The following COX10 variants were observed in gnomAD, a reference collection of about 807,000 sequenced individuals.
COX10 encodes the protein protoheme IX farnesyltransferase, mitochondrial.
A neutral mutation model predicts 37.3 loss-of-function variants in COX10; 27 were observed. The observed-to-expected ratio is 0.72, with a 90% CI of 0.53 to 1.00. The LOEUF (loss-of-function observed/expected upper bound fraction) is 1.00, where lower values mean the gene tolerates loss of function less well. Ranked by LOEUF, COX10 falls within the 50% of genes least tolerant of loss-of-function variation. The pLI is 0.00. For missense variants in COX10, 475 were observed against 563.2 expected, an observed-to-expected ratio of 0.84 and a Z score of 1.59; for synonymous variants, 222 against 229.1, an observed-to-expected ratio of 0.97 and a Z score of 0.28.
At chr17:14,112,080 AGT>A (rs1280046765) in intron 4 of COX10, among the ~76,000 whole-genome samples, 1 of 152,150 alleles carries the variant, frequency 6.6e-6, no homozygotes, top group African/African-American at 2.4e-5. Flanking sequence ...GCATGCACAA[AGT>A]GTAATGTATT....
chr17:14,205,333 A>G (rs938265594), intron 6 of COX10, among the ~76,000 whole-genome samples: 2 of 151,994 alleles, frequency 1.3e-5, no homozygotes, highest in South Asian at 4.1e-4. Flanking sequence ...CAGCTGAGAC[A>G]TCCCTTCCTC....
intron 6 of COX10, among the ~76,000 whole-genome samples, chr17:14,198,553 T>C (rs1906437315): frequency 6.6e-6 from 1 of 152,208 alleles, no homozygotes; most frequent in African/African-American, 2.4e-5. Context: ...GCATTAATTA[T>C]GTCACCCAAC....
intron 6 of COX10, 73 bp from the exon 7 acceptor site, chr17:14,206,737 G>C (rs1044947364): frequency 6.3e-7 from 1 of 1,592,046 alleles, no homozygotes; most frequent in African/African-American, 1.3e-5. Context: ...TCTCCCAGGA[G>C]AGGAAACCAT....
Position 14,168,687 on chromosome 17 carries a change from G to C in COX10, c.695+8740G>C, listed in dbSNP as rs911357141. On this transcript the variant is annotated intron_variant, in intron 5 of 6. Coordinates refer to ENST00000261643, the MANE Select transcript of COX10 (RefSeq NM_001303.4). ...CTTGCACCTTCTGAAGCCATGGCTT[G>C]AGCTGTACCTTGGCTCTTTTTAGCC... 2.0e-5 allele frequency among the ~76,000 whole-genome samples: 3 copies of C among 152,176 alleles called. No individual in the cohort carries two copies. In the East Asian group the frequency reaches 5.8e-4, roughly 29 times the overall value.
intron 3 of COX10, among the ~76,000 whole-genome samples, chr17:14,094,961 G>A (rs1915611728): frequency 6.6e-6 from 1 of 152,168 alleles, no homozygotes; most frequent in South Asian, 2.1e-4. Context: ...GACAGAAACT[G>A]TAGGAATAGT....
intron 4 of COX10, among the ~76,000 whole-genome samples, chr17:14,127,210 A>G (rs974502799): frequency 2.0e-5 from 3 of 152,166 alleles, no homozygotes; most frequent in Admixed American, 1.3e-4. Context: ...CAACCTTTCT[A>G]CTGTAGATGT....
chr17:14,127,356 T>C (rs535393098), intron 4 of COX10, among the ~76,000 whole-genome samples: 1 of 152,324 alleles, frequency 6.6e-6, no homozygotes, highest in South Asian at 2.1e-4. Flanking sequence ...ACAGCTCAAC[T>C]ATAAGCTTAT....
chr17:14,151,548 C>T lies in COX10; in HGVS notation c.625-8329C>T, dbSNP rs1005616563. Among the ~76,000 whole-genome samples the T allele has an allele frequency of 2.5e-3, 375 of 150,880 alleles. 1 individual carries two copies. Among genetic ancestry groups the T allele is most frequent in the Middle Eastern group, 6.8e-3 (2 of 294 alleles). The stretch of plus-strand genomic sequence containing the variant: ...ACTAACACACACACACACACACACA[C>T]ACACACACACACACACACACACACA... On this transcript the variant is annotated intron_variant, in intron 4 of 6. Transcript: ENST00000261643.
rs531775215 is a variant in COX10 at position 14,071,430 on chromosome 17, C to T, written c.43+1782C>T. On this transcript the variant is annotated intron_variant, in intron 1 of 6. Coordinates refer to ENST00000261643, the MANE Select transcript of COX10 (RefSeq NM_001303.4). The stretch of plus-strand genomic sequence containing the variant: ...TGCTAGTAAGTGGTCTGTATAACTC[C>T]CTGTGATCCATTTGGAAGATCTACT... Among the ~76,000 whole-genome samples, 14 of 152,208 alleles carry T rather than the reference C, an allele frequency of 9.2e-5. No individual in the cohort carries two copies. In the South Asian group the frequency reaches 1.5e-3, roughly 16 times the overall value.
intron 5 of COX10, chr17:14,179,269 T>C: frequency 9.4e-6 from 9 of 956,584 alleles, no homozygotes; most frequent in Non-Finnish European, 1.1e-5. Flanking sequence ...TCCTTCAGAC[T>C]TATATTTTTA....
intron 2 of COX10, among the ~76,000 whole-genome samples, chr17:14,075,173 T>A (rs1356009276): frequency 6.6e-6 from 1 of 152,214 alleles, no homozygotes; most frequent in Non-Finnish European, 1.5e-5. Context: ...AATTAAAATC[T>A]TAATAAAACT....
intron 3 of COX10, among the ~76,000 whole-genome samples, chr17:14,080,221 T>C (rs2142184765): frequency 9.7e-6 from 1 of 103,538 alleles, no homozygotes; most frequent in Admixed American, 9.6e-5. Flanking sequence ...TAGACTTTCT[T>C]TTTTTTTTTT....
chr17:14,109,664 CA>C (rs1330121990), intron 4 of COX10, among the ~76,000 whole-genome samples: 5 of 152,064 alleles, frequency 3.3e-5, no homozygotes, highest in South Asian at 2.1e-4. Context: ...TATTTCCTCT[CA>C]AATGAGATGT....
intron 4 of COX10, among the ~76,000 whole-genome samples, chr17:14,113,300 T>G (rs900164181): frequency 6.6e-6 from 1 of 152,116 alleles, no homozygotes; most frequent in African/African-American, 2.4e-5. Context: ...CCTCTGTTCT[T>G]GTGTACTCTG....
intron 3 of COX10, among the ~76,000 whole-genome samples, chr17:14,098,123 A>G (rs1915690472): frequency 6.6e-6 from 1 of 152,186 alleles, no homozygotes; most frequent in Admixed American, 6.6e-5. Context: ...TTTATCGAGA[A>G]TGTTATAGTA....
chr17:14,147,485 G>T (rs2323092), intron 4 of COX10, among the ~76,000 whole-genome samples: 58,064 of 151,874 alleles, frequency 0.38, 11,256 homozygotes, highest in African/African-American at 0.43. Context: ...GTAGAAGGAC[G>T]GTTACCAGAG....
At chr17:14,134,502 C>G (rs753718929) in intron 4 of COX10, among the ~76,000 whole-genome samples, 4 of 151,716 alleles carry the variant, frequency 2.6e-5, no homozygotes, top group Non-Finnish European at 5.9e-5. Flanking sequence ...GATAGTGTTT[C>G]AGAGCACAGA....
chr17:14,152,706 A>G (rs959836743), intron 4 of COX10, among the ~76,000 whole-genome samples: 2 of 152,216 alleles, frequency 1.3e-5, no homozygotes, highest in African/African-American at 2.4e-5. Context: ...ATTAGAATAA[A>G]CTAGACCACG....
chr17:14,202,859 T>C (rs1906587701), intron 6 of COX10, among the ~76,000 whole-genome samples: 1 of 152,058 alleles, frequency 6.6e-6, no homozygotes, highest in African/African-American at 2.4e-5. Flanking sequence ...CCAGCCTCCA[T>C]GCTGTCTCAG....
Sources: gnomAD v4.1 joint callset for allele counts (sites outside exome capture counted in the v4.1 genomes callset) on GRCh38, gnomAD v4.1.1 for gene constraint, MANE v1.5 for transcripts, NCBI Gene and HGNC (gene_info 2026-07-23, HGNC 2026-07-21) for gene names.